Variants in KMT2B observed in about 807,000 individuals in gnomAD.
KMT2B encodes the protein histone-lysine N-methyltransferase 2B.
A neutral mutation model predicts 255.3 loss-of-function variants in KMT2B; 22 were observed. That is an observed-to-expected ratio of 0.09 (90% CI 0.06 to 0.12). The LOEUF is 0.12. Ranked by LOEUF, KMT2B falls within the 10% of genes least tolerant of loss-of-function variation. KMT2B has a pLI of 1.00. For synonymous variants in KMT2B, 1,730 were observed against 1,498.1 expected, an observed-to-expected ratio of 1.15 and a Z score of -3.57; for missense variants, 3,149 against 3,737.0, an observed-to-expected ratio of 0.84 and a Z score of 4.10.
chr19:35,730,038 C>T lies in KMT2B; in HGVS notation c.4989C>T (p.His1663=). The T allele has an allele frequency of 6.2e-7, 1 of 1,613,868 alleles. No homozygotes were observed. Among genetic ancestry groups the T allele is most frequent in the Non-Finnish European group, 8.5e-7 (1 of 1,179,848 alleles). Residue 1663 remains histidine (H), a synonymous_variant, in exon 23 of 37, where the codon CAC becomes CAT. Transcript: ENST00000420124. Reference sequence around the variant, plus strand: ...TGTCCTCCTGCCTCAGCAACTTCCACTTCATGTGTGCCCGGGCCAGCTACT... The same window carrying T: ...TGTCCTCCTGCCTCAGCAACTTCCATTTCATGTGTGCCCGGGCCAGCTACT... The part of the protein sequence containing the change: ...CCLSSCLSNF[H]FMCARASYCI...
chr19:35,724,039 C>G, intron 8 of KMT2B, 32 bp downstream of exon 8: 1 of 1,537,946 alleles, frequency 6.5e-7, no homozygotes. Context: ...CTCTGTTGAT[C>G]ATTTATTTGG....
In KMT2B at chr19:35,718,127, G is replaced by C; in HGVS notation, c.109G>C (p.Gly37Arg). 9.8e-7 allele frequency: 1 copy of C among 1,019,236 alleles called. No homozygotes were observed. 63.1% of individuals were successfully genotyped at this position (1,019,236 alleles called of 1,614,324 possible). Reference protein sequence around the residue: ...AGGGGGRGGRGNGAERVRVAL... With the variant: ...AGGGGGRGGRRNGAERVRVAL... ...CGGGGGCGGGGGCCGCGGCGGACGG[G>C]GCAACGGGGCCGAAAGAGTGCGGGT... Residue 37 changes from glycine (G) to arginine (R), a missense_variant, in exon 1 of 37, where the codon GGC (glycine) becomes CGC (arginine). By Grantham distance (125) the Gly-to-Arg change is moderately radical. Around this residue, in one of 18 missense-constraint regions of KMT2B, gnomAD observed 1,188 missense variants for 1,106.4 expected, o/e 1.07. Transcript: ENST00000420124. The surrounding 1 kb of genome is among the most constrained non-coding windows in gnomAD (Gnocchi z 5.0).
rs899385202 is a variant in KMT2B at position 35,737,574 on chromosome 19, C to A, written c.7551-62C>A. 30 of 1,091,126 alleles carry A rather than the reference C, an allele frequency of 2.7e-5. No homozygotes were observed. The South Asian group carries it at 4.1e-4, about 15-fold the overall frequency. 67.6% of individuals were successfully genotyped at this position (1,091,126 alleles called of 1,614,324 possible). On this transcript the variant is annotated intron_variant, in intron 33 of 36. Transcript: ENST00000420124. The surrounding 1 kb of genome is among the most constrained non-coding windows in gnomAD (Gnocchi z 5.3). Reference sequence around the variant, plus strand: ...CTGACATCAGAAAAATGAACCCCACCCATTTCCCTGTTAGCTCTGTCTTCA... The same window carrying A: ...CTGACATCAGAAAAATGAACCCCACACATTTCCCTGTTAGCTCTGTCTTCA...
chr19:35,733,322 C>CCCCCCCCA lies in KMT2B; in HGVS notation c.6773_6774insCCCCCCCA (p.Leu2260ProfsTer4), dbSNP rs1568382225. ...CGCCCTGCCCCGCCCCCGCCACCCCCTCCCCTGACGCTGGTGCTGAGCAGT... is the reference window on the plus strand; with the variant it reads ...CGCCCTGCCCCGCCCCCGCCACCCCCCCCCCCCATCCCCTGACGCTGGTGCTGAGCAGT... On this transcript the variant is annotated frameshift_variant, in exon 28 of 37. Transcript: ENST00000420124. LOFTEE classifies it high-confidence loss of function. The surrounding 1 kb of genome is among the most constrained non-coding windows in gnomAD (Gnocchi z 4.3). The CCCCCCCCA allele has an allele frequency of 6.6e-7, 1 of 1,524,156 alleles. No individual in the cohort carries two copies. 94.4% of individuals were successfully genotyped at this position (1,524,156 alleles called of 1,614,324 possible). A position where few individuals can be genotyped will look rare whatever the true frequency, so the allele number is the denominator to read the frequency against.
In KMT2B at chr19:35,737,784, G is replaced by T; in HGVS notation, c.7658+41G>T. 6.5e-7 allele frequency: 1 copy of T among 1,548,700 alleles called. No homozygotes were observed. Among genetic ancestry groups the T allele is most frequent in the Non-Finnish European group, 8.7e-7 (1 of 1,143,170 alleles). ...TGGGGGGCGGGTGGTGGTCTGGAAG[G>T]GTCTTAGAGAGTGAGCAGGGGTGAG... On this transcript the variant is annotated intron_variant, in intron 34 of 36. Transcript: ENST00000420124. This position sits in a 1 kb window ranked among gnomAD's most constrained non-coding sequence, Gnocchi z 5.3.
In KMT2B at chr19:35,727,547, C is replaced by G; in HGVS notation, c.4227C>G (p.Leu1409=). The part of the protein sequence containing the change: ...PRWREALSGA[L]QGGLRQVLQG... ...GGCGAGAGGCCCTGAGCGGGGCCCT[C>G]CAGGGGGGCCTGCGCCAGGTGCTCC... The change falls in exon 16 of 37, where the codon CTC becomes CTG. Residue 1409 remains leucine, a synonymous_variant. Coordinates refer to ENST00000420124, the MANE Select transcript of KMT2B (RefSeq NM_014727.3). This position sits in a 1 kb window ranked among gnomAD's most constrained non-coding sequence, Gnocchi z 4.2. 3 of 1,607,308 alleles carry G rather than the reference C, an allele frequency of 1.9e-6. No homozygotes were observed. Among genetic ancestry groups the G allele is most frequent in the Non-Finnish European group, 2.5e-6 (3 of 1,178,782 alleles).
At chr19:35,724,568 C>T (rs920328248) in intron 8 of KMT2B, 69 bp from the exon 9 acceptor site, 4 of 1,289,488 alleles carry the variant, frequency 3.1e-6, no homozygotes, top group Non-Finnish European at 4.4e-6. Flanking sequence ...ATCCAGGTAA[C>T]ATTTGGGGTT....
rs769981263 is a variant in KMT2B, at chr19:35,723,945, A to G, written c.3272A>G (p.Asp1091Gly). The G allele has an allele frequency of 1.2e-6, 2 of 1,611,836 alleles. No individual in the cohort carries two copies. The highest frequency in any genetic ancestry group is 1.7e-6 in the Non-Finnish European group (2 of 1,179,222). Residue 1091 changes from aspartate to glycine, a missense_variant, in exon 8 of 37, where the codon GAT (aspartate) becomes GGT (glycine). Coordinates refer to ENST00000420124, the MANE Select transcript of KMT2B (RefSeq NM_014727.3). The surrounding 1 kb of genome is among the most constrained non-coding windows in gnomAD (Gnocchi z 7.5). ...CGACCCTCCTATGATATCTTCGAGG[A>G]TTCGGATGACTCGGAGCCCGGGGGC... ...KQRPSYDIFE[D>G]SDDSEPGGPP...
Position 35,732,629 on chromosome 19 carries a change from A to G in KMT2B, c.6080A>G (p.Glu2027Gly). The G allele has an allele frequency of 1.2e-6, 2 of 1,611,392 alleles. No homozygotes were observed. The highest frequency in any genetic ancestry group is 1.7e-6 in the Non-Finnish European group (2 of 1,178,906). The change falls in exon 28 of 37, where the codon GAG becomes GGG. Residue 2027 changes from glutamate (E) to glycine (G), a missense_variant. Glu to Gly is a moderately conservative substitution (Grantham distance 98, BLOSUM62 -2). This residue lies in a region of KMT2B where 897 missense variants were observed against 825.3 expected (regional missense o/e 1.09). Transcript: ENST00000420124. ...HGGPGDSSEEESSPTSRYIHF... is the reference protein window; with the variant it reads ...HGGPGDSSEEGSSPTSRYIHF... ...GGCCCGGGGGACAGCTCCGAGGAGGAGTCCAGCCCCACCTCCCGCTACATC... is the reference window on the plus strand; with the variant it reads ...GGCCCGGGGGACAGCTCCGAGGAGGGGTCCAGCCCCACCTCCCGCTACATC...
Position 35,737,564 on chromosome 19 carries a change from T to C in KMT2B, c.7551-72T>C. 1 of 1,031,738 alleles carries C rather than the reference T, an allele frequency of 9.7e-7. No individual in the cohort carries two copies. The highest frequency in any genetic ancestry group is 1.4e-6 in the Non-Finnish European group (1 of 709,024). 63.9% of individuals were successfully genotyped at this position (1,031,738 alleles called of 1,614,324 possible). A position where few individuals can be genotyped will look rare whatever the true frequency, so the allele number is the denominator to read the frequency against. ...ATTTCTAGAGCTGACATCAGAAAAA[T>C]GAACCCCACCCATTTCCCTGTTAGC... On this transcript the variant is annotated intron_variant, in intron 33 of 36. Coordinates refer to ENST00000420124, the MANE Select transcript of KMT2B (RefSeq NM_014727.3). This position sits in a 1 kb window ranked among gnomAD's most constrained non-coding sequence, Gnocchi z 5.3.
rs1455252923 is a variant in KMT2B at position 35,718,602 on chromosome 19, C to A, written c.363+221C>A. Among the ~76,000 whole-genome samples, 1 of 152,218 alleles carries A rather than the reference C, an allele frequency of 6.6e-6. No homozygotes were observed. Among genetic ancestry groups the A allele is most frequent in the African/African-American group, 2.4e-5 (1 of 41,446 alleles). On this transcript the variant is annotated intron_variant, in intron 1 of 36. Coordinates refer to ENST00000420124, the MANE Select transcript of KMT2B (RefSeq NM_014727.3). The surrounding 1 kb of genome is among the most constrained non-coding windows in gnomAD (Gnocchi z 5.0). ...GCAGCCAGGCACTCGCGCCCGATGT[C>A]GGTCCCGCTGAAGTGTCTTGGGCCG... is the stretch of plus-strand genomic sequence containing the variant.
At chr19:35,724,899 G>GGGTCTGGC in intron 9 of KMT2B, 90 bp from the exon 10 acceptor site, 1 of 992,728 alleles carries the variant, frequency 1.0e-6, no homozygotes, top group Non-Finnish European at 1.5e-6. Context: ...CAGGGTCTGG[G>GGGTCTGGC]TCCAGTAGGC....
chr19:35,728,789 T>C lies in KMT2B; in HGVS notation c.4587T>C (p.Asn1529=), dbSNP rs959330809. ...STRLPNGVLP[N]AVLPPSLDHV... The stretch of plus-strand genomic sequence containing the variant: ...CTGTCCACAGCGGAGTCCTTCCCAA[T>C]GCGGTGTTGCCCCCATCCCTGGATC... Residue 1529 remains asparagine, a synonymous_variant, in exon 20 of 37, where the codon AAT becomes AAC. Transcript: ENST00000420124. 6.2e-7 allele frequency: 1 copy of C among 1,613,714 alleles called. No homozygotes were observed. Among genetic ancestry groups the C allele is most frequent in the Non-Finnish European group, 8.5e-7 (1 of 1,179,824 alleles).
chr19:35,728,182 CT>C lies in KMT2B; in HGVS notation c.4571+12del, dbSNP rs1969545248. On this transcript the variant is annotated intron_variant, in intron 19 of 36. Coordinates refer to ENST00000420124, the MANE Select transcript of KMT2B (RefSeq NM_014727.3). ...TACCCGGCTGCCAAAGTGAGCAAGGCTGGGTAGCAGAAGGGAAGCCGGGGAG... is the reference window on the plus strand; with the variant it reads ...TACCCGGCTGCCAAAGTGAGCAAGGCGGGTAGCAGAAGGGAAGCCGGGGAG... The C allele has an allele frequency of 6.3e-7, 1 of 1,579,848 alleles. No individual in the cohort carries two copies. Among genetic ancestry groups the C allele is most frequent in the East Asian group, 2.3e-5 (1 of 42,806 alleles).
chr19:35,733,164 TG>T lies in KMT2B; in HGVS notation c.6619del (p.Glu2207ArgfsTer9). 1 of 1,572,948 alleles carries T rather than the reference TG, an allele frequency of 6.4e-7. No homozygotes were observed. The highest frequency in any genetic ancestry group is 8.6e-7 in the Non-Finnish European group (1 of 1,158,370). On this transcript the variant is annotated frameshift_variant, in exon 28 of 37. Coordinates refer to ENST00000420124, the MANE Select transcript of KMT2B (RefSeq NM_014727.3). LOFTEE classifies it high-confidence loss of function. This position sits in a 1 kb window ranked among gnomAD's most constrained non-coding sequence, Gnocchi z 4.3. ...KLGQVFVKMA[G>X]EGEPVPPPVK... ...TGGGGCAAGTATTTGTGAAGATGGC[TG>T]GGGAGGGTGAACCTGTCCCACCCCC...
In KMT2B at chr19:35,738,735, A is replaced by C. The variant is rs896962647; in HGVS notation, c.*178A>C. 6.0e-6 allele frequency: 4 copies of C among 667,088 alleles called. No individual in the cohort carries two copies. Among genetic ancestry groups the C allele is most frequent in the African/African-American group, 3.6e-5 (2 of 55,002 alleles). The allele number at this position is 667,088 out of a possible 1,614,324, so 41.3% of individuals were successfully genotyped here. On this transcript the variant is annotated 3_prime_UTR_variant, in exon 37 of 37. Transcript: ENST00000420124. The surrounding 1 kb of genome is among the most constrained non-coding windows in gnomAD (Gnocchi z 8.7). ...CCTCCACCCCTCCAGCCCATCCAGC[A>C]ATCGCCCCCTTTCTGCCCTGGGGGC...
At chr19:35,734,601 C>T (rs538295956) in intron 30 of KMT2B, among the ~76,000 whole-genome samples, 65 of 152,242 alleles carry the variant, frequency 4.3e-4, no homozygotes, top group Non-Finnish European at 7.9e-4. Context: ...AACTGGTGAC[C>T]TCTGAGGTAA....
chr19:35,734,883 G>C (rs1174163457), intron 30 of KMT2B, among the ~76,000 whole-genome samples: 1 of 152,222 alleles, frequency 6.6e-6, no homozygotes, highest in Admixed American at 6.5e-5. Flanking sequence ...GGGAAGCAGA[G>C]TGACGTGGAT....
intron 8 of KMT2B, 25 bp downstream of exon 8, chr19:35,724,032 T>C (rs1372482724): frequency 6.5e-7 from 1 of 1,545,524 alleles, no homozygotes; most frequent in Admixed American, 2.0e-5. Context: ...ATGCTTTCTC[T>C]GTTGATCATT....
Sources: allele counts gnomAD v4.1 joint callset (sites outside exome capture counted in the v4.1 genomes callset), GRCh38; gene constraint gnomAD v4.1.1; regional missense constraint gnomAD v4.1.1; non-coding constraint Gnocchi (gnomAD v3.1); transcripts MANE v1.5; gene names NCBI Gene and HGNC (gene_info 2026-07-23, HGNC 2026-07-21).